Variants in EGFR observed in about 807,000 individuals in gnomAD.
EGFR encodes the protein avian erythroblastic leukemia viral (v-erb-b) oncogene homolog.
A neutral mutation model predicts 143.0 loss-of-function variants in EGFR; 58 were observed. The observed-to-expected ratio is 0.41, with a 90% CI of 0.33 to 0.50. EGFR has a LOEUF of 0.50. Among genes scored for constraint, EGFR ranks in the 20% least tolerant of loss-of-function variants. The pLI is 0.39. For missense variants in EGFR, 1,307 were observed against 1,579.0 expected (o/e 0.83, Z 2.92); for synonymous variants, 613 against 594.4 (o/e 1.03, Z -0.45).
At chr7:55,124,994 T>TA (rs1793437657) in intron 1 of EGFR, among the ~76,000 whole-genome samples, 1 of 152,244 alleles carries the variant, frequency 6.6e-6, no homozygotes, top group South Asian at 2.1e-4. Context: ...AAGTTCAGCA[T>TA]ACATGAGCGT....
rs1788136588 is a variant in EGFR, at chr7:55,207,453, A to G, written c.*1836A>G. The G allele has an allele frequency of 5.2e-6, 1 of 192,164 alleles. No homozygotes were observed. The highest frequency in any genetic ancestry group is 1.1e-5 in the Non-Finnish European group (1 of 91,968). 11.9% of individuals were successfully genotyped at this position (192,164 alleles called of 1,614,324 possible). On this transcript the variant is annotated 3_prime_UTR_variant, in exon 28 of 28. Coordinates refer to ENST00000275493, the MANE Select transcript of EGFR (RefSeq NM_005228.5). ...AGAAATTCACAATTTAGCAAAGGAA[A>G]TGGACTCATAGATGCTAACCTTAAA... is the stretch of plus-strand genomic sequence containing the variant.
intron 1 of EGFR, among the ~76,000 whole-genome samples, chr7:55,064,529 G>T (rs996927800): frequency 4.6e-5 from 7 of 152,198 alleles, no homozygotes; most frequent in African/African-American, 1.7e-4. Context: ...AACAGAGATT[G>T]TAAAGTGATT....
intron 1 of EGFR, among the ~76,000 whole-genome samples, chr7:55,027,975 T>TAAAAA (rs5884397): frequency 9.8e-5 from 8 of 81,596 alleles, no homozygotes; most frequent in South Asian, 5.3e-4. Context: ...TGCCTTTATG[T>TAAAAA]AAAAAAAAAA....
At chr7:55,157,297 T>C (rs1785473602) in intron 10 of EGFR, among the ~76,000 whole-genome samples, 1 of 152,188 alleles carries the variant, frequency 6.6e-6, no homozygotes, top group East Asian at 1.9e-4. Flanking sequence ...TGGAATCAAA[T>C]AAGGAAAATT....
intron 4 of EGFR, among the ~76,000 whole-genome samples, 179 bp downstream of exon 4, chr7:55,146,919 T>C (rs188223934): frequency 6.6e-6 from 1 of 152,328 alleles, no homozygotes; most frequent in East Asian, 1.9e-4. Flanking sequence ...GAGATCGTTT[T>C]TTTGTGGCGG....
chr7:55,136,046 C>A (rs775558969), intron 1 of EGFR, among the ~76,000 whole-genome samples: 1 of 152,134 alleles, frequency 6.6e-6, no homozygotes, highest in Non-Finnish European at 1.5e-5. Context: ...GTTAACAACA[C>A]GGTGTATCTT....
intron 1 of EGFR, among the ~76,000 whole-genome samples, chr7:55,076,893 A>G (rs1377410111): frequency 2.6e-5 from 4 of 152,204 alleles, no homozygotes; most frequent in Non-Finnish European, 5.9e-5. Flanking sequence ...TAAATATATG[A>G]CAAATAAAAC....
At chr7:55,039,838 A>T (rs1199916494) in intron 1 of EGFR, among the ~76,000 whole-genome samples, 1 of 152,198 alleles carries the variant, frequency 6.6e-6, no homozygotes, top group Non-Finnish European at 1.5e-5. Context: ...GCTGTTGATA[A>T]TGAGGGAGCG....
chr7:55,128,416 G>C (rs1201971615), intron 1 of EGFR, among the ~76,000 whole-genome samples: 1 of 152,162 alleles, frequency 6.6e-6, no homozygotes, highest in Non-Finnish European at 1.5e-5. Flanking sequence ...AAGAAAGTTT[G>C]CCCTTAAATA....
chr7:55,166,694 ATGGTGTTGATGGTGG>A (rs1786014642), intron 15 of EGFR, among the ~76,000 whole-genome samples: 1 of 61,074 alleles, frequency 1.6e-5, no homozygotes, highest in South Asian at 7.0e-4. Flanking sequence ...GGTGGTGGTG[ATGGTGTTGATGGTGG>A]TGAGGAGGTG....
At chr7:55,119,370 C>T (rs375611301) in intron 1 of EGFR, 1 of 152,176 alleles carries the variant, frequency 6.6e-6, no homozygotes, top group African/African-American at 2.4e-5. Context: ...CACAATCTTC[C>T]GAGTGGTTCC....
Position 55,019,289 on chromosome 7 carries a change from C to A in EGFR, c.12C>A (p.Ser4=), listed in dbSNP as rs1171634506. Residue 4 remains serine (S), a synonymous_variant, in exon 1 of 28, where the codon TCC becomes TCA. Coordinates refer to ENST00000275493, the MANE Select transcript of EGFR (RefSeq NM_005228.5). ...TTCGGGGAGCAGCGATGCGACCCTC[C>A]GGGACGGCCGGGGCAGCGCTCCTGG... The part of the protein sequence containing the change: MRP[S]GTAGAALLAL... 1.3e-6 allele frequency: 2 copies of A among 1,505,544 alleles called. No individual in the cohort carries two copies. The highest frequency in any genetic ancestry group is 1.2e-5 in the South Asian group (1 of 82,350). The allele number at this position is 1,505,544 out of a possible 1,614,324, so 93.3% of individuals were successfully genotyped here.
intron 1 of EGFR, among the ~76,000 whole-genome samples, chr7:55,057,134 C>T (rs906850835): frequency 6.6e-6 from 1 of 152,146 alleles, no homozygotes; most frequent in African/African-American, 2.4e-5. Flanking sequence ...CTCCAGAGTA[C>T]GGAACTCAGA....
At chr7:55,055,723 C>CACCACA (rs1554318493) in intron 1 of EGFR, among the ~76,000 whole-genome samples, 117 of 148,336 alleles carry the variant, frequency 7.9e-4, no homozygotes, top group African/African-American at 2.7e-3. Flanking sequence ...CACACACACA[C>CACCACA]CACACACACA....
intron 19 of EGFR, chr7:55,180,923 C>G: frequency 2.8e-6 from 1 of 355,902 alleles, no homozygotes; most frequent in Non-Finnish European, 5.3e-6. Flanking sequence ...TATTTTAAAA[C>G]ACAGCATCCT....
At chr7:55,087,294 A>AAAAC (rs2128892987) in intron 1 of EGFR, among the ~76,000 whole-genome samples, 1 of 151,782 alleles carries the variant, frequency 6.6e-6, no homozygotes, top group South Asian at 2.1e-4. Context: ...CAAAAAAAAA[A>AAAAC]AAACCTGTAC....
At chr7:55,097,696 C>T (rs1225668650) in intron 1 of EGFR, among the ~76,000 whole-genome samples, 1 of 152,200 alleles carries the variant, frequency 6.6e-6, no homozygotes, top group Non-Finnish European at 1.5e-5. Flanking sequence ...GCCCCTGCAG[C>T]CACCCAGGGA....
chr7:55,196,195 C>CTTTTTTTTTT (rs1331766673), intron 22 of EGFR, among the ~76,000 whole-genome samples: 90 of 55,332 alleles, frequency 1.6e-3, no homozygotes, highest in South Asian at 2.9e-3. Flanking sequence ...TTTTTTTTTA[C>CTTTTTTTTTT]TTTTCAATAA....
chr7:55,186,907 C>A (rs565026438), intron 20 of EGFR, among the ~76,000 whole-genome samples: 89 of 152,342 alleles, frequency 5.8e-4, no homozygotes, highest in African/African-American at 2.0e-3. Context: ...GTCAGCCAAG[C>A]CCCCTGGCTC....
Sources: gnomAD v4.1 joint callset for allele counts (sites outside exome capture counted in the v4.1 genomes callset) on GRCh38, gnomAD v4.1.1 for gene constraint, MANE v1.5 for transcripts, NCBI Gene and HGNC (gene_info 2026-07-23, HGNC 2026-07-21) for gene names.